TRAF3: variants seen among roughly 807,000 people sequenced by gnomAD.
TRAF3 encodes TNF receptor-associated factor 3.
Under a neutral mutation model 62.3 loss-of-function variants are expected in TRAF3, and 13 were observed. The observed-to-expected ratio is 0.21, with a 90% confidence interval of 0.14 to 0.33. The LOEUF is 0.33. Ranked by LOEUF, TRAF3 falls within the 10% of genes least tolerant of loss-of-function variation. TRAF3 has a pLI of 1.00. For missense variants in TRAF3, 440 were observed against 741.8 expected, an observed-to-expected ratio of 0.59 and a Z score of 4.73; for synonymous variants, 269 against 283.4, an observed-to-expected ratio of 0.95 and a Z score of 0.51.
rs759668653 is a variant in TRAF3 at position 102,903,184 on chromosome 14, T to G, written c.961-71T>G. On this transcript the variant is annotated intron_variant, in intron 10 of 11. Coordinates refer to ENST00000392745, the MANE Select transcript of TRAF3 (RefSeq NM_145725.3). The surrounding 1 kb of genome is among the most constrained non-coding windows in gnomAD (Gnocchi z 6.4). ...TGTTCTGCTCCTAGCCTGTCTGTAT[T>G]TGATGGAAGGTGGTGCAGCATTTTC... The G allele has an allele frequency of 6.2e-7, 1 of 1,604,080 alleles. No homozygotes were observed. The highest frequency in any genetic ancestry group is 1.3e-5 in the African/African-American group (1 of 74,790).
At chr14:102,876,312 T>C (rs1411969006) in intron 5 of TRAF3, 46 bp from the exon 6 acceptor site, 1 of 1,603,334 alleles carries the variant, frequency 6.2e-7, no homozygotes, top group Non-Finnish European at 8.5e-7. Flanking sequence ...ATTTCAGATT[T>C]AGGGTTTTTT....
chr14:102,833,891 A>T (rs998269300), intron 2 of TRAF3, among the ~76,000 whole-genome samples: 5 of 151,820 alleles, frequency 3.3e-5, no homozygotes, highest in Non-Finnish European at 7.4e-5. Context: ...CAGGAGGCTG[A>T]GGCAGGAGAA....
intron 1 of TRAF3, among the ~76,000 whole-genome samples, chr14:102,807,712 C>A (rs1254125859): frequency 6.6e-6 from 1 of 152,110 alleles, no homozygotes; most frequent in Non-Finnish European, 1.5e-5. Flanking sequence ...AAGAACTAAG[C>A]CATTAGTGGT....
chr14:102,839,333 C>G (rs1886235387), intron 2 of TRAF3, among the ~76,000 whole-genome samples: 2 of 150,668 alleles, frequency 1.3e-5, no homozygotes, highest in Non-Finnish European at 2.9e-5. Context: ...ATTCTCCTGC[C>G]TCAGCCTTCT....
chr14:102,808,358 C>T (rs368824318), intron 1 of TRAF3, among the ~76,000 whole-genome samples: 1 of 151,910 alleles, frequency 6.6e-6, no homozygotes, highest in South Asian at 2.1e-4. Context: ...ACTACAAATA[C>T]AAAAATTAGC....
intron 2 of TRAF3, among the ~76,000 whole-genome samples, chr14:102,845,295 C>T (rs1236875983): frequency 3.3e-5 from 5 of 150,356 alleles, no homozygotes; most frequent in South Asian, 2.1e-4. Context: ...CTCTGCCTCC[C>T]GGGTTCAAGT....
chr14:102,795,998 C>G (rs961659314), intron 1 of TRAF3, among the ~76,000 whole-genome samples: 4 of 152,134 alleles, frequency 2.6e-5, no homozygotes, highest in African/African-American at 9.7e-5. Context: ...GGGCGGATCA[C>G]CTGAGGTCAG....
intron 6 of TRAF3, among the ~76,000 whole-genome samples, chr14:102,877,723 A>G (rs1191714579): frequency 7.2e-5 from 9 of 125,058 alleles, no homozygotes; most frequent in Admixed American, 8.8e-5. Context: ...AATCCCTTCC[A>G]CAGGCCCTCC....
intron 2 of TRAF3, among the ~76,000 whole-genome samples, chr14:102,851,617 A>G (rs572224318): frequency 6.6e-6 from 1 of 152,296 alleles, no homozygotes; most frequent in Non-Finnish European, 1.5e-5. Flanking sequence ...GGTGGCGGGC[A>G]CCTGTAGTCC....
chr14:102,815,220 T>G (rs1332838402), intron 1 of TRAF3, among the ~76,000 whole-genome samples: 2 of 152,252 alleles, frequency 1.3e-5, no homozygotes, highest in African/African-American at 4.8e-5. Context: ...ATTACAGATG[T>G]GAGCCACTGT....
chr14:102,900,203 A>G (rs866608976), intron 10 of TRAF3, among the ~76,000 whole-genome samples: 14 of 143,984 alleles, frequency 9.7e-5, no homozygotes, highest in African/African-American at 2.3e-4. Flanking sequence ...AAAAAAAAAA[A>G]GACAGCCTAG....
At chr14:102,815,194 C>G (rs1485522400) in intron 1 of TRAF3, among the ~76,000 whole-genome samples, 1 of 152,148 alleles carries the variant, frequency 6.6e-6, no homozygotes, top group East Asian at 1.9e-4. Flanking sequence ...CTGCTTCAGC[C>G]TCCTAAAGTG....
chr14:102,815,344 G>T lies in TRAF3; in HGVS notation c.-156-14990G>T, dbSNP rs149657447. ...GTTCTTTTCTGCTGTGATCATGTGT[G>T]TATGTGTTGGTTTTTTATTTTTATT... On this transcript the variant is annotated intron_variant, in intron 1 of 11. Coordinates refer to ENST00000392745, the MANE Select transcript of TRAF3 (RefSeq NM_145725.3). 7.0e-3 allele frequency among the ~76,000 whole-genome samples: 1,071 copies of T among 152,140 alleles called. 21 individuals are homozygous for T. Among genetic ancestry groups the T allele is most frequent in the African/African-American group, 0.024 (1,011 of 41,512 alleles).
intron 6 of TRAF3, among the ~76,000 whole-genome samples, chr14:102,880,550 C>T (rs1392038821): frequency 2.6e-5 from 4 of 152,198 alleles, no homozygotes; most frequent in Admixed American, 6.5e-5. Flanking sequence ...GACAGTGTGA[C>T]GATTCCTCAA....
At chr14:102,798,761 A>C (rs1302187753) in intron 1 of TRAF3, among the ~76,000 whole-genome samples, 1 of 152,174 alleles carries the variant, frequency 6.6e-6, no homozygotes, top group East Asian at 1.9e-4. Flanking sequence ...AGGCATGACC[A>C]CTGTACCCGG....
intron 6 of TRAF3, among the ~76,000 whole-genome samples, chr14:102,877,432 C>A (rs1888758113): frequency 6.9e-6 from 1 of 145,562 alleles, no homozygotes; most frequent in Non-Finnish European, 1.5e-5. Context: ...CATAGATAAT[C>A]CATTCCACAG....
intron 2 of TRAF3, among the ~76,000 whole-genome samples, chr14:102,837,153 G>C (rs113988788): frequency 4.6e-5 from 7 of 150,908 alleles, no homozygotes; most frequent in African/African-American, 1.7e-4. Context: ...TTTTTTTTGG[G>C]GGGGGGTGAA....
intron 6 of TRAF3, among the ~76,000 whole-genome samples, chr14:102,881,458 TGGA>T (rs1163262976): frequency 1.5e-4 from 22 of 150,582 alleles, no homozygotes; most frequent in African/African-American, 5.1e-4. Context: ...TGGATGGAGC[TGGA>T]AGTCATTGTC....
At chr14:102,882,488 T>C (rs1889123576) in intron 6 of TRAF3, among the ~76,000 whole-genome samples, 1 of 151,876 alleles carries the variant, frequency 6.6e-6, no homozygotes, top group South Asian at 2.1e-4. Flanking sequence ...CTGCCTTTGC[T>C]CCAGGCCTGG....
Sources: allele counts gnomAD v4.1 joint callset (sites outside exome capture counted in the v4.1 genomes callset), GRCh38; gene constraint gnomAD v4.1.1; non-coding constraint Gnocchi (gnomAD v3.1); transcripts MANE v1.5; gene names NCBI Gene and HGNC (gene_info 2026-07-23, HGNC 2026-07-21).